The following TTC21B variants were observed in gnomAD, a reference collection of about 807,000 sequenced individuals.
The protein encoded by TTC21B is tetratricopeptide repeat domain 21B.
Under a neutral mutation model 175.1 loss-of-function variants are expected in TTC21B, and 127 were observed. That is an observed-to-expected ratio of 0.73 (90% confidence interval 0.63 to 0.84). TTC21B has a LOEUF of 0.84. Ranked by LOEUF, TTC21B falls within the 40% of genes least tolerant of loss-of-function variation. The pLI is 0.00. For synonymous variants in TTC21B, 524 were observed against 524.5 expected, an observed-to-expected ratio of 1.00 and a Z score of 0.01; for missense variants, 1,561 against 1,558.3, an observed-to-expected ratio of 1.00 and a Z score of -0.03.
chr2:165,952,089 G>A (rs1687778129), intron 1 of TTC21B, among the ~76,000 whole-genome samples: 1 of 152,146 alleles, frequency 6.6e-6, no homozygotes. Context: ...AGTCATCAAT[G>A]GTACATTGGG....
rs1686574131 is a variant in TTC21B at position 165,924,953 on chromosome 2, TA to T, written c.1387-276del. Among the ~76,000 whole-genome samples, 5 of 135,738 alleles carry T rather than the reference TA, an allele frequency of 3.7e-5. No homozygotes were observed. The South Asian group carries it at 1.2e-3, about 33-fold the overall frequency. 89.0% of individuals were successfully genotyped at this position (135,738 alleles called of 152,430 possible). ...CTAAATGGATAACATATCAAGTGGG[TA>T]TTATCTATTCAAAAGTTTTATCAGA... is the stretch of plus-strand genomic sequence containing the variant. On this transcript the variant is annotated intron_variant, in intron 11 of 28. Transcript: ENST00000243344.
chr2:165,926,477 C>T (rs74718838), intron 11 of TTC21B, among the ~76,000 whole-genome samples: 2,791 of 152,230 alleles, frequency 0.018, 125 homozygotes, highest in Admixed American at 0.1. Flanking sequence ...CTCCTCCTCA[C>T]CCTGCCCCAG....
chr2:165,936,652 A>G (rs1039054479), intron 6 of TTC21B, among the ~76,000 whole-genome samples: 3 of 152,094 alleles, frequency 2.0e-5, no homozygotes, highest in Admixed American at 6.6e-5. Context: ...AACACATAAC[A>G]AGCAAGATAC....
intron 25 of TTC21B, among the ~76,000 whole-genome samples, chr2:165,885,693 C>A (rs1049856105): frequency 6.6e-6 from 1 of 152,198 alleles, no homozygotes; most frequent in Non-Finnish European, 1.5e-5. Context: ...TTAAAAATAA[C>A]CTCTCTTACA....
At chr2:165,949,295 T>C in intron 3 of TTC21B, 99 bp downstream of exon 3, 1 of 887,422 alleles carries the variant, frequency 1.1e-6, no homozygotes. Flanking sequence ...AGAAAATACA[T>C]AATATAGTGT....
At position 165,915,388 on chromosome 2, in the gene TTC21B, A is replaced by C; in HGVS notation, c.1951T>G (p.Ser651Ala). Residue 651 changes from serine to alanine, a missense_variant, in exon 15 of 29, where the codon TCT becomes GCT. By Grantham distance (99) the Ser-to-Ala change is moderately conservative. Transcript: ENST00000243344. ...GCAATGGTAACCCGCACTTCTTCAG[A>C]TGTTCCAGAAAATTCATGGATGGCA... ...QDAIHEFSGT[S>A]EEVRVTIANA... The C allele has an allele frequency of 1.2e-6, 2 of 1,614,130 alleles. No individual in the cohort carries two copies. Among genetic ancestry groups the C allele is most frequent in the Non-Finnish European group, 1.7e-6 (2 of 1,179,996 alleles).
intron 6 of TTC21B, 72 bp from the exon 7 acceptor site, chr2:165,933,129 TGG>T: frequency 7.3e-7 from 1 of 1,377,098 alleles, no homozygotes; most frequent in Non-Finnish European, 1.0e-6. Flanking sequence ...CATGAAAAGT[TGG>T]TTTGCTTGCC....
rs753947858 is a variant in TTC21B, at chr2:165,890,840, A to G, written c.3099T>C (p.Leu1033=). ...CATTTATTTGTAAATAGATTTACCAAAGATACAGTCCTTTACAATACTGAA... is the reference window on the plus strand; with the variant it reads ...CATTTATTTGTAAATAGATTTACCAGAGATACAGTCCTTTACAATACTGAA... ...PGFQYCKGLY[L]WYTGEPNDAL... The change falls in exon 23 of 29, where the codon CTT becomes CTC. Residue 1033 remains leucine (L), a splice_region_variant and synonymous_variant. Transcript: ENST00000243344. 3.1e-6 allele frequency: 5 copies of G among 1,612,910 alleles called. No homozygotes were observed. In the Admixed American group the frequency reaches 5.0e-5, roughly 16 times the overall value.
At chr2:165,950,261 T>A (rs1687720566) in intron 1 of TTC21B, among the ~76,000 whole-genome samples, 1 of 152,226 alleles carries the variant, frequency 6.6e-6, no homozygotes, top group African/African-American at 2.4e-5. Context: ...AATTGTCAGT[T>A]AAGAATAAAT....
At chr2:165,897,815 AAAG>A (rs1386272393) in intron 22 of TTC21B, among the ~76,000 whole-genome samples, 1 of 152,222 alleles carries the variant, frequency 6.6e-6, no homozygotes, top group East Asian at 1.9e-4. Context: ...CAATGGGGCA[AAAG>A]AAGAACTGAG....
chr2:165,920,016 A>C (rs537410462), intron 12 of TTC21B, among the ~76,000 whole-genome samples: 1 of 152,230 alleles, frequency 6.6e-6, no homozygotes, highest in Non-Finnish European at 1.5e-5. Context: ...TTAAAATAGA[A>C]GGAAATAATC....
intron 27 of TTC21B, among the ~76,000 whole-genome samples, chr2:165,878,416 T>C (rs80218863): frequency 0.014 from 2,200 of 152,294 alleles, 51 homozygotes; most frequent in African/African-American, 0.051. Flanking sequence ...AGAATAGGTA[T>C]GAAGGGTGAA....
At chr2:165,926,608 A>G (rs1010478788) in intron 11 of TTC21B, among the ~76,000 whole-genome samples, 3 of 152,136 alleles carry the variant, frequency 2.0e-5, no homozygotes, top group African/African-American at 7.2e-5. Context: ...ATTGTACTGA[A>G]GGATGCAAAG....
chr2:165,937,191 G>C (rs1320760899), intron 6 of TTC21B, among the ~76,000 whole-genome samples: 1 of 152,020 alleles, frequency 6.6e-6, no homozygotes, highest in Non-Finnish European at 1.5e-5. Context: ...AGCTGAAAAG[G>C]CTACATATTG....
intron 7 of TTC21B, 50 bp downstream of exon 7, chr2:165,932,923 T>C: frequency 1.3e-6 from 2 of 1,497,112 alleles, no homozygotes; most frequent in Non-Finnish European, 1.9e-6. Flanking sequence ...GTATGTGTAA[T>C]GAAATATATT....
intron 1 of TTC21B, 33 bp from the exon 2 acceptor site, chr2:165,949,757 G>A: frequency 6.3e-7 from 1 of 1,586,024 alleles, no homozygotes; most frequent in Non-Finnish European, 8.6e-7. Flanking sequence ...TGTTATAAAG[G>A]AATTCTGGTG....
At chr2:165,896,263 A>T (rs750753031) in intron 22 of TTC21B, among the ~76,000 whole-genome samples, 1 of 152,104 alleles carries the variant, frequency 6.6e-6, no homozygotes, top group Non-Finnish European at 1.5e-5. Context: ...TGTATTAGTC[A>T]AACAGTTCCC....
intron 1 of TTC21B, among the ~76,000 whole-genome samples, chr2:165,951,561 C>T (rs1157721787): frequency 6.6e-6 from 1 of 152,194 alleles, no homozygotes; most frequent in South Asian, 2.1e-4. Flanking sequence ...TTTGCCCAGT[C>T]TCTCTAAGTC....
At chr2:165,914,682 T>TGCGCGCGCGTGTGTGCGCGCGCGC (rs1553511391) in intron 15 of TTC21B, among the ~76,000 whole-genome samples, 1 of 149,760 alleles carries the variant, frequency 6.7e-6, no homozygotes, top group African/African-American at 2.5e-5. Context: ...TGTGTGTGTG[T>TGCGCGCGCGTGTGTGCGCGCGCGC]GTGTGTGTGT....
Sources: gnomAD v4.1 joint callset for allele counts (sites outside exome capture counted in the v4.1 genomes callset) on GRCh38, gnomAD v4.1.1 for gene constraint, MANE v1.5 for transcripts, NCBI Gene and HGNC (gene_info 2026-07-23, HGNC 2026-07-21) for gene names.